The following SLC17A1 variants were observed in gnomAD, a reference collection of about 807,000 sequenced individuals.
SLC17A1 encodes the protein sodium-dependent phosphate transport protein 1.
Under a neutral mutation model 53.5 loss-of-function variants are expected in SLC17A1, and 51 were observed. The ratio of observed to expected loss-of-function variants is 0.95; its 90% CI spans 0.76 to 1.20. The LOEUF (loss-of-function observed/expected upper bound fraction) is 1.20, where lower values mean the gene tolerates loss of function less well. Among genes scored for constraint, SLC17A1 ranks in the 50% most tolerant of loss-of-function variants. The probability of loss-of-function intolerance (pLI) is 0.00; values close to 1 mark genes in which losing one functional copy is unlikely to be tolerated. For missense variants in SLC17A1, 538 were observed against 568.2 expected (o/e 0.95, Z 0.54); for synonymous variants, 179 against 198.8 (o/e 0.90, Z 0.84).
chr6:25,726,397 A>C, the SLC17A1 span: 1 of 1,614,158 alleles, frequency 6.2e-7, no homozygotes, highest in South Asian at 1.1e-5. Context: ...GCCTGCCCCT[A>C]TCCGCTCTGC....
At chr6:25,751,343 T>C in the SLC17A1 span, among the ~76,000 whole-genome samples, 1 of 152,228 alleles carries the variant, frequency 6.6e-6, no homozygotes, top group Non-Finnish European at 1.5e-5. Context: ...TAATTTTGAA[T>C]TGAAGCTTGG....
chr6:25,740,040 A>C, the SLC17A1 span, among the ~76,000 whole-genome samples: 1 of 152,210 alleles, frequency 6.6e-6, no homozygotes, highest in Non-Finnish European at 1.5e-5. Context: ...CTAGCCTTGC[A>C]CCTTCCTGTG....
the SLC17A1 span, among the ~76,000 whole-genome samples, chr6:25,725,425 A>G: frequency 6.6e-6 from 1 of 152,192 alleles, no homozygotes; most frequent in Non-Finnish European, 1.5e-5. Flanking sequence ...ACTTACTTAC[A>G]TGCCACATTT....
At chr6:25,770,279 G>T in the SLC17A1 span, 1 of 1,614,058 alleles carries the variant, frequency 6.2e-7, no homozygotes, top group Non-Finnish European at 8.5e-7. Context: ...TTGTCCTCCG[G>T]ATTGTACAAG....
At chr6:25,728,868 C>T in the SLC17A1 span, among the ~76,000 whole-genome samples, 2 of 152,164 alleles carry the variant, frequency 1.3e-5, no homozygotes, top group African/African-American at 4.8e-5. Context: ...AAATAAGTGC[C>T]CCCACACTTT....
At chr6:25,755,054 C>T in the SLC17A1 span, among the ~76,000 whole-genome samples, 3 of 128,896 alleles carry the variant, frequency 2.3e-5, no homozygotes, top group East Asian at 6.7e-4. Flanking sequence ...CACATACACA[C>T]ACACACACAC....
chr6:25,726,118 A>C, the SLC17A1 span: 2 of 1,508,664 alleles, frequency 1.3e-6, no homozygotes, highest in Non-Finnish European at 1.8e-6. Context: ...CTTTTTACCA[A>C]TGACAACCTT....
chr6:25,815,891 C>T (rs1764334910), intron 6 of SLC17A1, among the ~76,000 whole-genome samples: 1 of 147,174 alleles, frequency 6.8e-6, no homozygotes, highest in South Asian at 2.2e-4. Context: ...ATTTCCTCCC[C>T]TACCATATGA....
At chr6:25,761,304 C>T in the SLC17A1 span, among the ~76,000 whole-genome samples, 1 of 152,202 alleles carries the variant, frequency 6.6e-6, no homozygotes, top group Non-Finnish European at 1.5e-5. Context: ...GCATCTGACT[C>T]TATATTAGAA....
chr6:25,777,008 G>A, the SLC17A1 span: 1 of 1,557,456 alleles, frequency 6.4e-7, no homozygotes, highest in Non-Finnish European at 8.7e-7. Context: ...TTCAAGTCTA[G>A]CAGCCCTAAA....
chr6:25,741,437 G>GCT, the SLC17A1 span, among the ~76,000 whole-genome samples: 1 of 127,884 alleles, frequency 7.8e-6, no homozygotes, highest in Non-Finnish European at 1.7e-5. Context: ...AAAAAAAAAA[G>GCT]GGCGCAGCGG....
the SLC17A1 span, chr6:25,726,598 G>C: frequency 6.6e-7 from 1 of 1,517,880 alleles, no homozygotes; most frequent in East Asian, 2.3e-5. Flanking sequence ...TTTATAGTCT[G>C]ACTGAGGTTG....
chr6:25,732,082 T>C, the SLC17A1 span: 5 of 1,103,912 alleles, frequency 4.5e-6, no homozygotes, highest in Non-Finnish European at 6.2e-6. Context: ...TTGCGCTTTT[T>C]GTCCTCCTTC....
At chr6:25,777,444 C>A in the SLC17A1 span, 1 of 159,752 alleles carries the variant, frequency 6.3e-6, no homozygotes, top group Non-Finnish European at 1.4e-5. Flanking sequence ...AGATAATGAA[C>A]CACCAAGAAA....
At chr6:25,730,940 C>T in the SLC17A1 span, among the ~76,000 whole-genome samples, 88 of 152,252 alleles carry the variant, frequency 5.8e-4, no homozygotes, top group Non-Finnish European at 9.3e-4. Flanking sequence ...TCTTGAGAGA[C>T]TGAAGTGGAT....
At chr6:25,744,855 T>C in the SLC17A1 span, among the ~76,000 whole-genome samples, 1 of 152,184 alleles carries the variant, frequency 6.6e-6, no homozygotes, top group Non-Finnish European at 1.5e-5. Flanking sequence ...AAGTGTGACA[T>C]ATCTATAGCT....
At chr6:25,827,685 G>A (rs1011903749) in intron 2 of SLC17A1, among the ~76,000 whole-genome samples, 7 of 152,130 alleles carry the variant, frequency 4.6e-5, no homozygotes, top group Admixed American at 6.5e-5. Flanking sequence ...GCATAATTTC[G>A]CTATTTAAGA....
chr6:25,731,857 G>A, the SLC17A1 span: 49 of 1,602,714 alleles, frequency 3.1e-5, no homozygotes, highest in Non-Finnish European at 4.0e-5. Flanking sequence ...TCCCCAGGCA[G>A]CAGCAGGCGC....
the SLC17A1 span, among the ~76,000 whole-genome samples, chr6:25,753,167 T>G: frequency 3.3e-5 from 5 of 152,164 alleles, no homozygotes; most frequent in Non-Finnish European, 5.9e-5. Context: ...CTAACAACAT[T>G]GGTAAAACAC....
Sources: allele counts gnomAD v4.1 joint callset (sites outside exome capture counted in the v4.1 genomes callset), GRCh38; gene constraint gnomAD v4.1.1; transcripts MANE v1.5; gene names NCBI Gene and HGNC (gene_info 2026-07-23, HGNC 2026-07-21).